The following ST7 variants were observed in gnomAD, a reference collection of about 807,000 sequenced individuals.
ST7 encodes suppression of tumorigenicity 7.
A neutral mutation model predicts 78.7 loss-of-function variants in ST7; 28 were observed. The observed-to-expected ratio is 0.36, with a 90% confidence interval of 0.26 to 0.49. The LOEUF (loss-of-function observed/expected upper bound fraction) is 0.49. Among genes scored for constraint, ST7 ranks in the 20% least tolerant of loss-of-function variants. The pLI, the probability that ST7 is intolerant of heterozygous loss-of-function variation, is 0.99. For synonymous variants in ST7, 247 were observed against 249.6 expected, an observed-to-expected ratio of 0.99 and a Z score of 0.10; for missense variants, 418 against 696.0, an observed-to-expected ratio of 0.60 and a Z score of 4.49.
chr7:117,033,737 T>C (rs1436356054), intron 1 of ST7, among the ~76,000 whole-genome samples: 1 of 152,146 alleles, frequency 6.6e-6, no homozygotes, highest in Non-Finnish European at 1.5e-5. Flanking sequence ...TCCTGTATTT[T>C]TTAATGTTCT....
At chr7:117,057,136 G>A (rs1798103635) in intron 1 of ST7, among the ~76,000 whole-genome samples, 1 of 152,028 alleles carries the variant, frequency 6.6e-6, no homozygotes, top group African/African-American at 2.4e-5. Context: ...TATTTAAAAT[G>A]TAATTATTTT....
intron 10 of ST7, among the ~76,000 whole-genome samples, chr7:117,177,065 C>T (rs970591930): frequency 6.6e-6 from 1 of 152,192 alleles, no homozygotes; most frequent in Admixed American, 6.5e-5. Flanking sequence ...AGCACTGATA[C>T]TATGGCTGTG....
chr7:117,176,724 G>A (rs1808370249), intron 10 of ST7, among the ~76,000 whole-genome samples: 1 of 152,166 alleles, frequency 6.6e-6, no homozygotes, highest in South Asian at 2.1e-4. Context: ...GGTCCAATGA[G>A]TAAAATCTGT....
chr7:116,978,710 C>T (rs575666830), intron 1 of ST7, among the ~76,000 whole-genome samples: 5 of 152,176 alleles, frequency 3.3e-5, no homozygotes, highest in South Asian at 2.1e-4. Context: ...CCTCAGCCTC[C>T]GAGTAGCTGG....
At chr7:117,168,658 A>G (rs1218197543) in intron 9 of ST7, among the ~76,000 whole-genome samples, 1 of 152,216 alleles carries the variant, frequency 6.6e-6, no homozygotes, top group Non-Finnish European at 1.5e-5. Flanking sequence ...TCTCTAGGGA[A>G]GTTCGGACCA....
intron 15 of ST7, among the ~76,000 whole-genome samples, chr7:117,226,899 G>A (rs1457567713): frequency 2.0e-5 from 3 of 152,176 alleles, no homozygotes; most frequent in Non-Finnish European, 4.4e-5. Flanking sequence ...AAGCATTGGG[G>A]CTTCGTATTC....
intron 1 of ST7, among the ~76,000 whole-genome samples, chr7:117,002,891 C>T (rs1353138013): frequency 3.3e-5 from 4 of 121,016 alleles, no homozygotes; most frequent in Admixed American, 1.1e-4. Flanking sequence ...GGGCCAATCT[C>T]GGCTCACTGC....
intron 9 of ST7, among the ~76,000 whole-genome samples, chr7:117,160,645 G>T (rs996402846): frequency 7.0e-6 from 1 of 142,694 alleles, no homozygotes. Context: ...ATATACTTGT[G>T]TGTGTGTGTA....
In ST7 at chr7:117,134,301, A is replaced by G. The variant is rs1321339603; in HGVS notation, c.710+109A>G. The G allele has an allele frequency of 3.3e-6, 5 of 1,519,062 alleles. No homozygotes were observed. In the African/African-American group the frequency reaches 4.1e-5, roughly 13 times the overall value. The allele number at this position is 1,519,062 out of a possible 1,614,324, so 94.1% of individuals were successfully genotyped here. A position where few individuals can be genotyped will look rare whatever the true frequency, so the allele number is the denominator to read the frequency against. On this transcript the variant is annotated intron_variant, in intron 7 of 15. Coordinates refer to ENST00000323984, the MANE Select transcript of ST7 (RefSeq NM_001369598.1). ...CACACTTTCTTGCTTCTGTATGTGTATTGTGTTGTGACAAGGATGCATCAT... is the reference window on the plus strand; with the variant it reads ...CACACTTTCTTGCTTCTGTATGTGTGTTGTGTTGTGACAAGGATGCATCAT...
At chr7:117,222,341 A>G (rs935122728) in intron 15 of ST7, among the ~76,000 whole-genome samples, 1 of 152,224 alleles carries the variant, frequency 6.6e-6, no homozygotes, top group African/African-American at 2.4e-5. Flanking sequence ...GATTTAGGAA[A>G]TCCTAGCAAA....
chr7:116,977,007 C>CT (rs1195932640), intron 1 of ST7, among the ~76,000 whole-genome samples: 1 of 152,068 alleles, frequency 6.6e-6, no homozygotes, highest in South Asian at 2.1e-4. Context: ...AATAAGGAGG[C>CT]TTTTTGTGAT....
intron 1 of ST7, among the ~76,000 whole-genome samples, chr7:117,065,309 C>T (rs1178477629): frequency 6.6e-6 from 1 of 151,040 alleles, no homozygotes; most frequent in East Asian, 1.9e-4. Flanking sequence ...CCTGGGTTCA[C>T]GCCATTCTCC....
chr7:117,229,685 G>A, intron 15 of ST7, 77 bp from the exon 16 acceptor site: 1 of 1,169,350 alleles, frequency 8.6e-7, no homozygotes, highest in Non-Finnish European at 1.2e-6. Flanking sequence ...TAAGCTGCAA[G>A]CGTGGGTGGA....
At chr7:117,052,937 TG>T (rs1362730915) in intron 1 of ST7, among the ~76,000 whole-genome samples, 1 of 152,120 alleles carries the variant, frequency 6.6e-6, no homozygotes, top group Non-Finnish European at 1.5e-5. Flanking sequence ...ATCTAGTCAG[TG>T]TGTTGCTTCA....
intron 3 of ST7, among the ~76,000 whole-genome samples, chr7:117,121,773 A>T (rs1176110361): frequency 6.6e-6 from 1 of 152,080 alleles, no homozygotes. Context: ...CTTTGCCTTT[A>T]AAAAAATCAT....
intron 1 of ST7, among the ~76,000 whole-genome samples, chr7:116,978,718 T>C (rs1478856116): frequency 6.6e-6 from 1 of 152,132 alleles, no homozygotes; most frequent in Non-Finnish European, 1.5e-5. Context: ...TCCGAGTAGC[T>C]GGGACTACAG....
chr7:117,137,629 C>G (rs1804899927), intron 8 of ST7, among the ~76,000 whole-genome samples: 1 of 152,056 alleles, frequency 6.6e-6, no homozygotes, highest in South Asian at 2.1e-4. Context: ...AATGTTAGGA[C>G]TTTGGTCTTA....
chr7:117,050,255 G>T (rs1797711405), intron 1 of ST7, among the ~76,000 whole-genome samples: 1 of 151,960 alleles, frequency 6.6e-6, no homozygotes, highest in Non-Finnish European at 1.5e-5. Flanking sequence ...TGCCAGACCT[G>T]TGAGAGATCA....
chr7:117,133,781 C>G (rs1022751856), intron 6 of ST7, among the ~76,000 whole-genome samples: 2 of 151,814 alleles, frequency 1.3e-5, no homozygotes, highest in Admixed American at 6.6e-5. Flanking sequence ...TATAGACCAT[C>G]ATTACATGCC....
Sources: gnomAD v4.1 joint callset for allele counts (sites outside exome capture counted in the v4.1 genomes callset) on GRCh38, gnomAD v4.1.1 for gene constraint, MANE v1.5 for transcripts, NCBI Gene and HGNC (gene_info 2026-07-23, HGNC 2026-07-21) for gene names.